WDR6: variants seen among roughly 807,000 people sequenced by gnomAD.
WDR6 encodes WD repeat domain 6, also known as tRNA (34-2'-O)-methyltransferase regulator WDR6.
Under a neutral mutation model 85.6 loss-of-function variants are expected in WDR6, and 58 were observed. The observed-to-expected ratio is 0.68, with a 90% confidence interval of 0.55 to 0.84. The LOEUF is 0.84. Ranked by LOEUF, WDR6 falls within the 40% of genes least tolerant of loss-of-function variation. The probability of loss-of-function intolerance (pLI) is 0.00; values close to 1 mark genes in which losing one functional copy is unlikely to be tolerated. For synonymous variants in WDR6, 569 were observed against 582.2 expected (o/e 0.98, Z 0.33); for missense variants, 1,310 against 1,476.4 (o/e 0.89, Z 1.85).
In WDR6 at chr3:49,011,702, G is replaced by A. The variant is rs2093015947; in HGVS notation, c.168G>A (p.Val56=). ...FGGHLRMIKR[V]QNLLGHYLIH... ...GGCATCTGCGGATGATAAAGCGAGT[G>A]CAGAACCTGCTTGGCCACTATCTTA... is the stretch of plus-strand genomic sequence containing the variant. The change falls in exon 2 of 6, where the codon GTG becomes GTA. Residue 56 remains valine (V), a synonymous_variant. Transcript: ENST00000608424. 3.1e-6 allele frequency: 5 copies of A among 1,614,072 alleles called. No homozygotes were observed. Among genetic ancestry groups the A allele is most frequent in the African/African-American group, 1.3e-5 (1 of 74,918 alleles).
At position 49,014,952 on chromosome 3, in the gene WDR6, C is replaced by A; in HGVS notation, c.3030C>A (p.Phe1010Leu). Residue 1010 changes from phenylalanine (F) to leucine (L), a missense_variant, in exon 6 of 6, where the codon TTC (phenylalanine) becomes TTA (leucine). By Grantham distance (22) the Phe-to-Leu change is conservative. Coordinates refer to ENST00000608424, the MANE Select transcript of WDR6 (RefSeq NM_018031.6). The surrounding 1 kb of genome is among the most constrained non-coding windows in gnomAD (Gnocchi z 4.9). ...GTGAAGATGGATCCCTCCATGTCTTCGTGCTTGCTGTGGAGATGCTACAGC... is the reference window on the plus strand; with the variant it reads ...GTGAAGATGGATCCCTCCATGTCTTAGTGCTTGCTGTGGAGATGCTACAGC... ...SGSEDGSLHV[F>L]VLAVEMLQLE... is the part of the protein sequence containing the mutation. The A allele has an allele frequency of 2.5e-6, 4 of 1,614,156 alleles. No homozygotes were observed. The highest frequency in any genetic ancestry group is 3.4e-6 in the Non-Finnish European group (4 of 1,180,016).
At chr3:49,010,845 G>A (rs543016255) in intron 1 of WDR6, among the ~76,000 whole-genome samples, 10 of 140,054 alleles carry the variant, frequency 7.1e-5, no homozygotes, top group African/African-American at 1.3e-4. Flanking sequence ...GCAAGACTCC[G>A]TCTCAAAAAA....
Position 49,012,202 on chromosome 3 carries a change from T to C in WDR6, c.668T>C (p.Leu223Ser). The change falls in exon 2 of 6, where the codon TTG (leucine) becomes TCG (serine). Residue 223 changes from leucine to serine, a missense_variant. Leu to Ser is a moderately radical substitution (Grantham distance 145, BLOSUM62 -2). Coordinates refer to ENST00000608424, the MANE Select transcript of WDR6 (RefSeq NM_018031.6). The surrounding 1 kb of genome is among the most constrained non-coding windows in gnomAD (Gnocchi z 4.4). ...ATGTCATACCTGGAAAGCAAGGGATTGCTGGCTACAGCTTCAGAAGACCGA... is the reference window on the plus strand; with the variant it reads ...ATGTCATACCTGGAAAGCAAGGGATCGCTGGCTACAGCTTCAGAAGACCGA... ...FSMSYLESKG[L>S]LATASEDRSV... 6.2e-7 allele frequency: 1 copy of C among 1,614,244 alleles called. No homozygotes were observed. Among genetic ancestry groups the C allele is most frequent in the Non-Finnish European group, 8.5e-7 (1 of 1,180,048 alleles).
intron 1 of WDR6, chr3:49,011,094 C>G (rs1361597116): frequency 9.0e-6 from 4 of 445,702 alleles, no homozygotes; most frequent in African/African-American, 2.0e-5. Context: ...CAAGGATTTT[C>G]TTTTTTCTTT....
chr3:49,010,297 T>C (rs2106688462), intron 1 of WDR6, among the ~76,000 whole-genome samples: 1 of 151,768 alleles, frequency 6.6e-6, no homozygotes, highest in South Asian at 2.1e-4. Flanking sequence ...TCCCAGCTAC[T>C]TGGGAGGCTG....
At position 49,015,397 on chromosome 3, in the gene WDR6, G is replaced by A. The variant is rs1675131957; in HGVS notation, c.*109G>A. The A allele has an allele frequency of 1.7e-5, 25 of 1,438,866 alleles. No individual in the cohort carries two copies. In the South Asian group the frequency reaches 2.7e-4, roughly 16 times the overall value. 89.1% of individuals were successfully genotyped at this position (1,438,866 alleles called of 1,614,324 possible). On this transcript the variant is annotated 3_prime_UTR_variant, in exon 6 of 6. Transcript: ENST00000608424. Reference sequence around the variant, plus strand: ...TCAGCATGCCTTGAGGGGAGGAGGTGGTGGCCGTGGGTTCCTGATGTCGGT... The same window carrying A: ...TCAGCATGCCTTGAGGGGAGGAGGTAGTGGCCGTGGGTTCCTGATGTCGGT...
chr3:49,011,302 C>T, intron 1 of WDR6: 1 of 524,878 alleles, frequency 1.9e-6, no homozygotes, highest in Non-Finnish European at 3.1e-6. Context: ...TAGTCCTGAA[C>T]CCCTGACCTC....
intron 1 of WDR6, chr3:49,011,386 A>C: frequency 7.3e-7 from 1 of 1,376,900 alleles, no homozygotes; most frequent in East Asian, 2.8e-5. Context: ...GCCGAGACCA[A>C]GGATTTTCTT....
At position 49,012,641 on chromosome 3, in the gene WDR6, G is replaced by A. The variant is rs778351275; in HGVS notation, c.1107G>A (p.Gly369=). 1 of 1,614,060 alleles carries A rather than the reference G, an allele frequency of 6.2e-7. No homozygotes were observed. The highest frequency in any genetic ancestry group is 8.5e-7 in the Non-Finnish European group (1 of 1,180,002). ...SWRLLAVTDT[G]ALYLYDVEVK... The stretch of plus-strand genomic sequence containing the variant: ...GACTGCTGGCAGTGACTGATACAGG[G>A]GCCCTGTATCTCTATGACGTCGAGG... Residue 369 remains glycine, a synonymous_variant, in exon 2 of 6, where the codon GGG becomes GGA. Coordinates refer to ENST00000608424, the MANE Select transcript of WDR6 (RefSeq NM_018031.6). This position sits in a 1 kb window ranked among gnomAD's most constrained non-coding sequence, Gnocchi z 4.4.
Position 49,013,080 on chromosome 3 carries a change from C to T in WDR6, c.1546C>T (p.Leu516=). The T allele has an allele frequency of 6.2e-7, 1 of 1,610,744 alleles. No homozygotes were observed. Among genetic ancestry groups the T allele is most frequent in the South Asian group, 1.1e-5 (1 of 90,692 alleles). The change falls in exon 2 of 6, where the codon CTG becomes TTG. Residue 516 remains leucine, a synonymous_variant. Transcript: ENST00000608424. This position sits in a 1 kb window ranked among gnomAD's most constrained non-coding sequence, Gnocchi z 4.6. The part of the protein sequence containing the change: ...LVCGDRRGSV[L]LFPSRPGLLK... Reference sequence around the variant, plus strand: ...GTGTGGTGACCGCCGGGGCTCTGTGCTGCTATTCCCCTCCAGACCAGGTCT... The same window carrying T: ...GTGTGGTGACCGCCGGGGCTCTGTGTTGCTATTCCCCTCCAGACCAGGTCT...
Position 49,012,660 on chromosome 3 carries a change from G to C in WDR6, c.1126G>C (p.Val376Leu). 6.2e-7 allele frequency: 1 copy of C among 1,614,018 alleles called. No homozygotes were observed. The highest frequency in any genetic ancestry group is 8.5e-7 in the Non-Finnish European group (1 of 1,180,002). The part of the protein sequence containing the change: ...TDTGALYLYD[V>L]EVKCWEQLLE... The stretch of plus-strand genomic sequence containing the variant: ...TACAGGGGCCCTGTATCTCTATGAC[G>C]TCGAGGTCAAGTGCTGGGAGCAGCT... Residue 376 changes from valine (V) to leucine (L), a missense_variant, in exon 2 of 6, where the codon GTC (valine) becomes CTC (leucine). Coordinates refer to ENST00000608424, the MANE Select transcript of WDR6 (RefSeq NM_018031.6). This position sits in a 1 kb window ranked among gnomAD's most constrained non-coding sequence, Gnocchi z 4.4.
chr3:49,014,138 G>T lies in WDR6; in HGVS notation c.2582+22G>T. The T allele has an allele frequency of 6.2e-7, 1 of 1,613,680 alleles. No homozygotes were observed. Among genetic ancestry groups the T allele is most frequent in the Non-Finnish European group, 8.5e-7 (1 of 1,179,654 alleles). Reference sequence around the variant, plus strand: ...CCAGGTAATATATGCTCCTGGGCAGGGTGTGGTATGGGTCATGCAGATGCT... The same window carrying T: ...CCAGGTAATATATGCTCCTGGGCAGTGTGTGGTATGGGTCATGCAGATGCT... On this transcript the variant is annotated intron_variant, in intron 2 of 5. Coordinates refer to ENST00000608424, the MANE Select transcript of WDR6 (RefSeq NM_018031.6). The surrounding 1 kb of genome is among the most constrained non-coding windows in gnomAD (Gnocchi z 4.9).
Position 49,014,780 on chromosome 3 carries a change from G to A in WDR6, c.2903-45G>A. On this transcript the variant is annotated intron_variant, in intron 5 of 5. Transcript: ENST00000608424. This position sits in a 1 kb window ranked among gnomAD's most constrained non-coding sequence, Gnocchi z 4.9. Reference sequence around the variant, plus strand: ...CACCTGTCACATAGCCCTCACACATGTGGCAGGCGGGGCCCTGACAACTAC... The same window carrying A: ...CACCTGTCACATAGCCCTCACACATATGGCAGGCGGGGCCCTGACAACTAC... 1 of 1,605,836 alleles carries A rather than the reference G, an allele frequency of 6.2e-7. No homozygotes were observed. Among genetic ancestry groups the A allele is most frequent in the Non-Finnish European group, 8.5e-7 (1 of 1,174,630 alleles).
Position 49,015,563 on chromosome 3 carries a change from C to T in WDR6, c.*275C>T. ...TCCAGTTGATGACTTTGTGAACATT[C>T]CCAGGTATTGGAGCCTCTGTGGCCT... On this transcript the variant is annotated 3_prime_UTR_variant, in exon 6 of 6. Coordinates refer to ENST00000608424, the MANE Select transcript of WDR6 (RefSeq NM_018031.6). 6.2e-7 allele frequency: 1 copy of T among 1,610,948 alleles called. No individual in the cohort carries two copies. Among genetic ancestry groups the T allele is most frequent in the Non-Finnish European group, 8.5e-7 (1 of 1,178,948 alleles).
At position 49,012,253 on chromosome 3, in the gene WDR6, A is replaced by T; in HGVS notation, c.719A>T (p.Asp240Val). Residue 240 changes from aspartate (D) to valine (V), a missense_variant, in exon 2 of 6, where the codon GAC (aspartate) becomes GTC (valine). By Grantham distance (152) the Asp-to-Val change is radical. Coordinates refer to ENST00000608424, the MANE Select transcript of WDR6 (RefSeq NM_018031.6). The surrounding 1 kb of genome is among the most constrained non-coding windows in gnomAD (Gnocchi z 4.4). ...DRSVRIWKVG[D>V]LRVPGGRVQN... ...AGCGTTCGTATCTGGAAGGTGGGCGACCTGCGAGTGCCTGGGGGTCGGGTG... is the reference window on the plus strand; with the variant it reads ...AGCGTTCGTATCTGGAAGGTGGGCGTCCTGCGAGTGCCTGGGGGTCGGGTG... 9 of 1,614,258 alleles carry T rather than the reference A, an allele frequency of 5.6e-6. No individual in the cohort carries two copies. The highest frequency in any genetic ancestry group is 1.6e-4 in the Middle Eastern group (1 of 6,062).
At position 49,015,057 on chromosome 3, in the gene WDR6, T is replaced by C; in HGVS notation, c.3135T>C (p.Ala1045=). ...LEEYSVPCAH[A]AHVTGLKILS... ...AATACTCTGTCCCCTGTGCACATGC[T>C]GCCCATGTGACAGGCCTCAAGATCC... The change falls in exon 6 of 6, where the codon GCT becomes GCC. Residue 1045 remains alanine (A), a synonymous_variant. Coordinates refer to ENST00000608424, the MANE Select transcript of WDR6 (RefSeq NM_018031.6). 1 of 1,614,184 alleles carries C rather than the reference T, an allele frequency of 6.2e-7. No individual in the cohort carries two copies. Among genetic ancestry groups the C allele is most frequent in the Non-Finnish European group, 8.5e-7 (1 of 1,180,024 alleles).
In WDR6 at chr3:49,012,470, G is replaced by C; in HGVS notation, c.936G>C (p.Trp312Cys). The C allele has an allele frequency of 1.2e-6, 2 of 1,614,170 alleles. No homozygotes were observed. Among genetic ancestry groups the C allele is most frequent in the Non-Finnish European group, 1.7e-6 (2 of 1,180,030 alleles). Residue 312 changes from tryptophan to cysteine, a missense_variant, in exon 2 of 6, where the codon TGG becomes TGC. Transcript: ENST00000608424. This position sits in a 1 kb window ranked among gnomAD's most constrained non-coding sequence, Gnocchi z 4.4. ...RAIAAHERQA[W>C]VITGGDDSGI... The stretch of plus-strand genomic sequence containing the variant: ...TAGCTGCCCATGAGAGGCAGGCCTG[G>C]GTGATCACTGGGGGTGATGACTCAG...
rs968168479 is a variant in WDR6 at position 49,007,818 on chromosome 3, CGCGGAG to C, written c.100+302_100+307del. Among the ~76,000 whole-genome samples the C allele has an allele frequency of 2.2e-4, 33 of 150,310 alleles. No individual in the cohort carries two copies. The highest frequency in any genetic ancestry group is 5.3e-4 in the Admixed American group (8 of 15,120). On this transcript the variant is annotated intron_variant, in intron 1 of 5. Coordinates refer to ENST00000608424, the MANE Select transcript of WDR6 (RefSeq NM_018031.6). This position sits in a 1 kb window ranked among gnomAD's most constrained non-coding sequence, Gnocchi z 5.1. ...GGGAGGGTGCAGGGGAACGCGGCCG[CGCGGAG>C]GCGGAGGCGGAGGCCCGGGAGCTGA...
intron 1 of WDR6, among the ~76,000 whole-genome samples, chr3:49,010,044 TAAAAA>T (rs1206529654): frequency 6.9e-6 from 1 of 145,604 alleles, no homozygotes; most frequent in African/African-American, 2.5e-5. Flanking sequence ...TTTTTTTAAT[TAAAAA>T]AAAAAAGTGA....
Sources: allele counts gnomAD v4.1 joint callset (sites outside exome capture counted in the v4.1 genomes callset), GRCh38; gene constraint gnomAD v4.1.1; non-coding constraint Gnocchi (gnomAD v3.1); transcripts MANE v1.5; gene names NCBI Gene and HGNC (gene_info 2026-07-23, HGNC 2026-07-21).